The following BRINP1 variants were observed in gnomAD, a reference collection of about 807,000 sequenced individuals.
BRINP1 encodes BMP/retinoic acid inducible neural specific 1, also known as BMP/retinoic acid-inducible neural-specific protein 1.
A neutral mutation model predicts 72.9 loss-of-function variants in BRINP1; 17 were observed. That is an observed-to-expected ratio of 0.23 (90% CI 0.16 to 0.35). The LOEUF is 0.35. BRINP1 is among the 10% of genes least tolerant of loss of function. The pLI is 1.00. For missense variants in BRINP1, 850 were observed against 1,001.6 expected, an observed-to-expected ratio of 0.85 and a Z score of 2.04; for synonymous variants, 418 against 378.5, an observed-to-expected ratio of 1.10 and a Z score of -1.21.
intron 7 of BRINP1, among the ~76,000 whole-genome samples, chr9:119,193,728 C>T (rs186685194): frequency 1.3e-5 from 2 of 152,282 alleles, no homozygotes; most frequent in Admixed American, 1.3e-4. Context: ...ATGTTTTACA[C>T]TGGAAAAATG....
intron 1 of BRINP1, 68 bp from the exon 2 acceptor site, chr9:119,313,473 G>C: frequency 1.7e-4 from 216 of 1,299,166 alleles, no homozygotes; most frequent in Non-Finnish European, 2.1e-4. Flanking sequence ...GAGAGGGGAA[G>C]AGGAGTAAAA....
At chr9:119,319,582 T>C (rs939055637) in intron 1 of BRINP1, among the ~76,000 whole-genome samples, 5 of 152,194 alleles carry the variant, frequency 3.3e-5, no homozygotes, top group Admixed American at 2.6e-4. Flanking sequence ...CCAGATAATA[T>C]GAGAGTCACA....
intron 1 of BRINP1, among the ~76,000 whole-genome samples, chr9:119,366,665 G>A (rs985003087): frequency 2.0e-5 from 3 of 151,806 alleles, no homozygotes; most frequent in South Asian, 4.2e-4. Context: ...AGTTTGATGA[G>A]GGAAGACAAG....
intron 1 of BRINP1, among the ~76,000 whole-genome samples, chr9:119,356,447 G>A (rs1831566621): frequency 6.6e-6 from 1 of 152,138 alleles, no homozygotes; most frequent in African/African-American, 2.4e-5. Context: ...TGGTCAGTTT[G>A]ATTCCCTGCT....
chr9:119,353,477 C>T (rs1831525292), intron 1 of BRINP1, among the ~76,000 whole-genome samples: 1 of 152,266 alleles, frequency 6.6e-6, no homozygotes, highest in Admixed American at 6.5e-5. Context: ...GATCACATAA[C>T]GCCAGTGTTA....
rs115667602 is a variant in BRINP1 at position 119,195,523 on chromosome 9, T to G, written c.1145+13196A>C. Among the ~76,000 whole-genome samples, 224 of 152,356 alleles carry G rather than the reference T, an allele frequency of 1.5e-3. 2 individuals carry two copies. The highest frequency in any genetic ancestry group is 5.0e-3 in the African/African-American group (209 of 41,586). On this transcript the variant is annotated intron_variant, in intron 7 of 7. Coordinates refer to ENST00000265922, the MANE Select transcript of BRINP1 (RefSeq NM_014618.3). ...CATAACATCATCAGTGTGAAAGCCC[T>G]TTGCAAACTTTAAAGTAATCTATAC... is the stretch of plus-strand genomic sequence containing the variant.
chr9:119,333,581 T>G (rs1442776758), intron 1 of BRINP1, among the ~76,000 whole-genome samples: 2 of 152,042 alleles, frequency 1.3e-5, no homozygotes, highest in Non-Finnish European at 2.9e-5. Flanking sequence ...AAATCTGTAG[T>G]CTTAAAACGC....
chr9:119,241,986 GC>G, intron 4 of BRINP1, 60 bp downstream of exon 4: 1 of 1,524,930 alleles, frequency 6.6e-7, no homozygotes, highest in South Asian at 1.2e-5. Flanking sequence ...CTCTCAGAAT[GC>G]CTGCATTGCA....
chr9:119,194,864 C>T (rs890254183), intron 7 of BRINP1, among the ~76,000 whole-genome samples: 1 of 152,116 alleles, frequency 6.6e-6, no homozygotes, highest in Non-Finnish European at 1.5e-5. Flanking sequence ...CTATACCATA[C>T]CTAAACTCCT....
intron 7 of BRINP1, among the ~76,000 whole-genome samples, chr9:119,170,394 A>AAATG (rs1471018369): frequency 6.6e-6 from 1 of 150,634 alleles, no homozygotes; most frequent in Non-Finnish European, 1.5e-5. Context: ...ATGGAAGATG[A>AAATG]AATGAATGAA....
chr9:119,248,851 A>G, intron 3 of BRINP1, 109 bp downstream of exon 3: 1 of 958,774 alleles, frequency 1.0e-6, no homozygotes, highest in Non-Finnish European at 1.5e-6. Flanking sequence ...TGTGTGATGT[A>G]GAATGGCAGA....
At chr9:119,268,767 A>G (rs1830579276) in intron 2 of BRINP1, among the ~76,000 whole-genome samples, 2 of 152,192 alleles carry the variant, frequency 1.3e-5, no homozygotes, top group Admixed American at 1.3e-4. Flanking sequence ...GCTCATCACA[A>G]AAACCTATTA....
chr9:119,264,677 GT>G (rs1168500662), intron 2 of BRINP1, among the ~76,000 whole-genome samples: 2 of 152,146 alleles, frequency 1.3e-5, no homozygotes, highest in Admixed American at 6.6e-5. Flanking sequence ...TAGCCCTGAT[GT>G]TTTTTTGTTT....
intron 3 of BRINP1, among the ~76,000 whole-genome samples, chr9:119,246,172 G>A (rs141346602): frequency 6.6e-6 from 1 of 152,320 alleles, no homozygotes; most frequent in Non-Finnish European, 1.5e-5. Flanking sequence ...ACTTGCCAAG[G>A]TGACTGTGAT....
At chr9:119,201,555 T>G (rs1746484294) in intron 7 of BRINP1, among the ~76,000 whole-genome samples, 1 of 152,242 alleles carries the variant, frequency 6.6e-6, no homozygotes, top group Non-Finnish European at 1.5e-5. Flanking sequence ...ATTTTTTCAC[T>G]ACTCAACCTG....
chr9:119,207,109 T>A (rs1588164120), intron 7 of BRINP1, among the ~76,000 whole-genome samples: 1 of 152,318 alleles, frequency 6.6e-6, no homozygotes, highest in East Asian at 1.9e-4. Context: ...GAAAGGATTT[T>A]AGATTAGTGG....
In BRINP1 at chr9:119,263,601, C is replaced by CTTTTTTTTTTTT. The variant is rs386416080; in HGVS notation, c.219-14463_219-14452dup. 1.4e-4 allele frequency among the ~76,000 whole-genome samples: 11 copies of CTTTTTTTTTTTT among 78,566 alleles called. 2 individuals are homozygous for CTTTTTTTTTTTT. The highest frequency in any genetic ancestry group is 1.7e-4 in the Non-Finnish European group (8 of 46,184). The allele number at this position is 78,566 out of a possible 152,430, so 51.5% of individuals were successfully genotyped here. On this transcript the variant is annotated intron_variant, in intron 2 of 7. Coordinates refer to ENST00000265922, the MANE Select transcript of BRINP1 (RefSeq NM_014618.3). Reference sequence around the variant, plus strand: ...CTTATAAAATACCCAGTAAACAATTCTTTTTTTTTTTTTTTTTTTTTTTTG... The same window carrying CTTTTTTTTTTTT: ...CTTATAAAATACCCAGTAAACAATTCTTTTTTTTTTTTTTTTTTTTTTTTTTTTTTTTTTTTG...
At chr9:119,236,809 T>C (rs895611895) in intron 5 of BRINP1, among the ~76,000 whole-genome samples, 1 of 152,214 alleles carries the variant, frequency 6.6e-6, no homozygotes, top group Admixed American at 6.5e-5. Context: ...TACTCTTTTT[T>C]CTGCTACTCT....
In BRINP1 at chr9:119,216,926, A is replaced by G. The variant is rs533052211; in HGVS notation, c.686-2771T>C. Among the ~76,000 whole-genome samples, 900 of 152,348 alleles carry G rather than the reference A, an allele frequency of 5.9e-3. 6 individuals carry two copies. The highest frequency in any genetic ancestry group is 0.019 in the African/African-American group (779 of 41,566). ...GGTTTTCTGGGAGCAGCTAAAATAC[A>G]AAACTGGCTGCTCTTTAAAAATGGA... On this transcript the variant is annotated intron_variant, in intron 5 of 7. Coordinates refer to ENST00000265922, the MANE Select transcript of BRINP1 (RefSeq NM_014618.3).
Sources: gnomAD v4.1 joint callset for allele counts (sites outside exome capture counted in the v4.1 genomes callset) on GRCh38, gnomAD v4.1.1 for gene constraint, MANE v1.5 for transcripts, NCBI Gene and HGNC (gene_info 2026-07-23, HGNC 2026-07-21) for gene names.